The following ARHGEF4 variants were observed in gnomAD, a reference collection of about 807,000 sequenced individuals.
ARHGEF4 encodes the protein APC-stimulated guanine nucleotide exchange factor 1.
In ARHGEF4, 119 loss-of-function variants were observed where a neutral mutation model predicts 162.0. The ratio of observed to expected loss-of-function variants is 0.73; its 90% confidence interval spans 0.63 to 0.86. ARHGEF4 has a LOEUF of 0.86. Among genes scored for constraint, ARHGEF4 ranks in the 40% least tolerant of loss-of-function variants. The pLI, the probability that ARHGEF4 is intolerant of heterozygous loss-of-function variation, is 0.00. For missense variants in ARHGEF4, 2,488 were observed against 2,456.0 expected, an observed-to-expected ratio of 1.01 and a Z score of -0.28; for synonymous variants, 1,014 against 979.9, an observed-to-expected ratio of 1.03 and a Z score of -0.65.
intron 4 of ARHGEF4, among the ~76,000 whole-genome samples, chr2:130,948,097 G>A (rs1177180174): frequency 6.6e-6 from 1 of 152,248 alleles, no homozygotes; most frequent in Non-Finnish European, 1.5e-5. Flanking sequence ...GTGAGGCAGA[G>A]GATGACGGTG....
chr2:130,944,840 T>C (rs1683507900), intron 3 of ARHGEF4, among the ~76,000 whole-genome samples: 1 of 152,194 alleles, frequency 6.6e-6, no homozygotes, highest in African/African-American at 2.4e-5. Context: ...CTGGGCATCT[T>C]AAATGTTATG....
chr2:131,033,495 G>A (rs1468602016), intron 5 of ARHGEF4, among the ~76,000 whole-genome samples: 4 of 152,316 alleles, frequency 2.6e-5, no homozygotes, highest in African/African-American at 9.6e-5. Context: ...CCGACCCACT[G>A]TACCCAGGGC....
chr2:131,020,420 A>G (rs1181599069), intron 4 of ARHGEF4, among the ~76,000 whole-genome samples: 2 of 138,402 alleles, frequency 1.4e-5, no homozygotes, highest in Admixed American at 8.3e-5. Context: ...ATTCCCACCT[A>G]TGAGTGAGAA....
At chr2:130,840,400 G>A (rs940409590) in intron 1 of ARHGEF4, among the ~76,000 whole-genome samples, 16 of 152,178 alleles carry the variant, frequency 1.1e-4, no homozygotes, top group African/African-American at 3.4e-4. Context: ...TCCTGCACAA[G>A]CCTACCTGGC....
intron 2 of ARHGEF4, among the ~76,000 whole-genome samples, chr2:130,923,024 G>A (rs186644837): frequency 3.8e-4 from 58 of 152,008 alleles, no homozygotes; most frequent in African/African-American, 1.2e-3. Context: ...TCCGCTTCCC[G>A]GGTTCAAGCA....
At chr2:131,014,874 T>A (rs80182814) in intron 4 of ARHGEF4, among the ~76,000 whole-genome samples, 3,481 of 152,166 alleles carry the variant, frequency 0.023, 130 homozygotes, top group African/African-American at 0.079. Flanking sequence ...GGGGTCCTCC[T>A]TGTGTAGGCA....
chr2:130,969,394 G>A (rs138283919), intron 4 of ARHGEF4, among the ~76,000 whole-genome samples: 6,367 of 152,076 alleles, frequency 0.042, 147 homozygotes, highest in Middle Eastern at 0.071. Flanking sequence ...TCAGGAGAGC[G>A]AGACCATCCT....
intron 1 of ARHGEF4, among the ~76,000 whole-genome samples, chr2:130,845,367 G>A (rs866140672): frequency 6.6e-6 from 1 of 151,864 alleles, no homozygotes; most frequent in African/African-American, 2.4e-5. Context: ...AAAAATTAAC[G>A]TGGCATGGTG....
intron 1 of ARHGEF4, among the ~76,000 whole-genome samples, chr2:130,874,157 C>A (rs913799461): frequency 2.6e-5 from 4 of 152,346 alleles, no homozygotes; most frequent in African/African-American, 9.6e-5. Flanking sequence ...GCTGGGGGAT[C>A]TCCCTATCAG....
chr2:131,021,669 C>A (rs1374258752), intron 4 of ARHGEF4, among the ~76,000 whole-genome samples: 3 of 152,142 alleles, frequency 2.0e-5, no homozygotes, highest in Non-Finnish European at 4.4e-5. Flanking sequence ...ATTTCTTTTT[C>A]TTGACTGGTC....
chr2:130,939,003 A>G (rs1265726417), intron 3 of ARHGEF4, among the ~76,000 whole-genome samples: 1 of 152,196 alleles, frequency 6.6e-6, no homozygotes, highest in Non-Finnish European at 1.5e-5. Flanking sequence ...TTTGTCACCA[A>G]GGTAATAAGT....
intron 3 of ARHGEF4, among the ~76,000 whole-genome samples, chr2:130,940,692 G>A (rs572223773): frequency 1.6e-4 from 24 of 150,376 alleles, no homozygotes; most frequent in Non-Finnish European, 3.1e-4. Flanking sequence ...TTAGCCGGGC[G>A]TGGTGGCGGG....
intron 4 of ARHGEF4, among the ~76,000 whole-genome samples, chr2:131,015,033 G>A (rs879560176): frequency 1.6e-4 from 25 of 152,230 alleles, no homozygotes; most frequent in African/African-American, 3.4e-4. Flanking sequence ...AGATCTGTGC[G>A]GCGCACCTAA....
intron 1 of ARHGEF4, among the ~76,000 whole-genome samples, chr2:130,852,103 C>A (rs1681453276): frequency 6.6e-6 from 1 of 152,256 alleles, no homozygotes; most frequent in Admixed American, 6.5e-5. Context: ...AGCTTTTATT[C>A]TTTCAAGAGT....
chr2:131,011,774 G>A (rs749528455), intron 4 of ARHGEF4: 5 of 905,312 alleles, frequency 5.5e-6, no homozygotes, highest in Non-Finnish European at 8.8e-6. Flanking sequence ...CTCAGGCAGA[G>A]GAATGATGTG....
At chr2:130,960,223 TTA>T (rs137902543) in intron 4 of ARHGEF4, among the ~76,000 whole-genome samples, 1 of 152,200 alleles carries the variant, frequency 6.6e-6, no homozygotes, top group African/African-American at 2.4e-5. Flanking sequence ...TATGTAGACT[TTA>T]TAAACATTAC....
intron 4 of ARHGEF4, among the ~76,000 whole-genome samples, chr2:131,020,566 C>T (rs1689057781): frequency 6.6e-6 from 1 of 152,030 alleles, no homozygotes; most frequent in South Asian, 2.1e-4. Context: ...GTATATGTGC[C>T]ACATTTTCTT....
intron 1 of ARHGEF4, among the ~76,000 whole-genome samples, chr2:130,868,843 A>G (rs1348378518): frequency 6.6e-6 from 1 of 152,224 alleles, no homozygotes; most frequent in Non-Finnish European, 1.5e-5. Context: ...TGGAAGCTTC[A>G]GAGGGTCGGC....
chr2:130,994,469 C>T (rs557504495), intron 4 of ARHGEF4, among the ~76,000 whole-genome samples: 5 of 152,312 alleles, frequency 3.3e-5, no homozygotes, highest in African/African-American at 1.2e-4. Context: ...CTTTTAACAT[C>T]TTCCCAGACC....
Sources: gnomAD v4.1 joint callset for allele counts (sites outside exome capture counted in the v4.1 genomes callset) on GRCh38, gnomAD v4.1.1 for gene constraint, MANE v1.5 for transcripts, NCBI Gene and HGNC (gene_info 2026-07-23, HGNC 2026-07-21) for gene names.